Variants in UQCC6 observed in about 807,000 individuals in gnomAD.
UQCC6 encodes the protein protein BRAWNIN.
At chr12:103,951,308 C>T in the UQCC6 span, 1 of 414,028 alleles carries the variant, frequency 2.4e-6, no homozygotes, top group South Asian at 6.2e-5. Context: ...TCTTCCAAAC[C>T]ATATTCATGA....
chr12:103,964,789 G>A, the UQCC6 span, among the ~76,000 whole-genome samples: 1 of 152,186 alleles, frequency 6.6e-6, no homozygotes, highest in African/African-American at 2.4e-5. Flanking sequence ...TATTTACCAT[G>A]TGCCAGGTTC....
chr12:103,964,349 C>A, the UQCC6 span, among the ~76,000 whole-genome samples: 1 of 151,896 alleles, frequency 6.6e-6, no homozygotes, highest in Non-Finnish European at 1.5e-5. Context: ...AACTCCTGAC[C>A]TCAGGTGATC....
At chr12:103,954,996 T>C in the UQCC6 span, 1 of 700,106 alleles carries the variant, frequency 1.4e-6, no homozygotes, top group Non-Finnish European at 2.6e-6. Context: ...ACCTTCAAAA[T>C]TGTAGTGACA....
chr12:103,957,057 C>A, the UQCC6 span: 1 of 365,510 alleles, frequency 2.7e-6, no homozygotes, highest in South Asian at 3.1e-5. Flanking sequence ...CGTTTCCCCG[C>A]GCCCCTTCTA....
chr12:103,964,320 G>A, the UQCC6 span, among the ~76,000 whole-genome samples: 1 of 151,920 alleles, frequency 6.6e-6, no homozygotes, highest in African/African-American at 2.4e-5. Flanking sequence ...GTTTCGACAT[G>A]TTGGCCAGGT....
At chr12:103,958,960 CCAGAT>C in the UQCC6 span, among the ~76,000 whole-genome samples, 2 of 152,156 alleles carry the variant, frequency 1.3e-5, no homozygotes, top group Non-Finnish European at 2.9e-5. Flanking sequence ...TTTGCTGAGA[CCAGAT>C]AACAGAAAAC....
the UQCC6 span, among the ~76,000 whole-genome samples, chr12:103,956,040 CAA>C: frequency 6.6e-6 from 1 of 152,152 alleles, no homozygotes; most frequent in African/African-American, 2.4e-5. Context: ...TCTACTGAAG[CAA>C]ACTGACAAAG....
At chr12:103,955,954 C>T in the UQCC6 span, among the ~76,000 whole-genome samples, 8 of 152,282 alleles carry the variant, frequency 5.3e-5, no homozygotes, top group South Asian at 2.1e-4. Context: ...TCAACAAATA[C>T]TTATTGAGTG....
At chr12:103,961,587 C>T in the UQCC6 span, among the ~76,000 whole-genome samples, 1 of 151,814 alleles carries the variant, frequency 6.6e-6, no homozygotes, top group Non-Finnish European at 1.5e-5. Flanking sequence ...GACAGAGTCT[C>T]GCTCTGTTGC....
chr12:103,964,600 A>T, the UQCC6 span, among the ~76,000 whole-genome samples: 1 of 152,290 alleles, frequency 6.6e-6, no homozygotes, highest in South Asian at 2.1e-4. Context: ...ACACATTTTC[A>T]GTCACCAGAA....
the UQCC6 span, among the ~76,000 whole-genome samples, chr12:103,957,957 AAT>A: frequency 4.1e-5 from 6 of 145,370 alleles, no homozygotes; most frequent in Non-Finnish European, 7.5e-5. Flanking sequence ...ATATATTTTT[AAT>A]ATATATTATA....
the UQCC6 span, among the ~76,000 whole-genome samples, chr12:103,959,889 C>T: frequency 2.4e-4 from 36 of 148,198 alleles, no homozygotes; most frequent in African/African-American, 8.4e-4. Context: ...CTGCACCCTC[C>T]GCCTCCCAAG....
chr12:103,953,723 T>G, the UQCC6 span: 3 of 618,924 alleles, frequency 4.8e-6, no homozygotes, highest in African/African-American at 1.8e-5. Flanking sequence ...TGAGGTGAGT[T>G]TAGACCCTTC....
chr12:103,951,324 T>A, the UQCC6 span: 1 of 443,332 alleles, frequency 2.3e-6, no homozygotes, highest in African/African-American at 2.0e-5. Flanking sequence ...CATGAAATGG[T>A]TTGATGATAT....
the UQCC6 span, chr12:103,957,275 G>T: frequency 6.6e-6 from 1 of 152,102 alleles, no homozygotes; most frequent in African/African-American, 2.4e-5. Context: ...GGCACGTGAC[G>T]CAGAGGAGGT....
chr12:103,950,850 G>A, the UQCC6 span: 1 of 152,082 alleles, frequency 6.6e-6, no homozygotes, highest in Admixed American at 6.6e-5. Context: ...CTTTCCCTCA[G>A]TAGCCAGACC....
At chr12:103,956,656 AC>A in the UQCC6 span, 8 of 1,551,556 alleles carry the variant, frequency 5.2e-6, no homozygotes, top group East Asian at 4.9e-5. Context: ...GTACCTGTGC[AC>A]CACTTCTGCC....
the UQCC6 span, chr12:103,954,915 C>T: frequency 1.4e-6 from 1 of 701,324 alleles, no homozygotes; most frequent in Non-Finnish European, 2.6e-6. Context: ...AATCGTCTCA[C>T]TAAGCTATGT....
At chr12:103,951,655 C>T in the UQCC6 span, 1 of 1,289,774 alleles carries the variant, frequency 7.8e-7, no homozygotes, top group African/African-American at 1.5e-5. Flanking sequence ...AAACAAAAAA[C>T]ATAAATGTCT....
Sources: gnomAD v4.1 joint callset for allele counts (sites outside exome capture counted in the v4.1 genomes callset) on GRCh38, gnomAD v4.1.1 for gene constraint, MANE v1.5 for transcripts, NCBI Gene and HGNC (gene_info 2026-07-23, HGNC 2026-07-21) for gene names.